Variants in PRKN observed in about 807,000 individuals in gnomAD.
PRKN encodes the protein parkin RBR E3 ubiquitin protein ligase, also known as E3 ubiquitin-protein ligase parkin.
PRKN carries 56 observed loss-of-function variants against 59.5 expected under a neutral mutation model. That is an observed-to-expected ratio of 0.94 (90% CI 0.76 to 1.18). The LOEUF (loss-of-function observed/expected upper bound fraction) is 1.18. Among genes scored for constraint, PRKN ranks in the 50% most tolerant of loss-of-function variants. The pLI is 0.00. For missense variants in PRKN, 657 were observed against 596.4 expected (o/e 1.10, Z -1.06); for synonymous variants, 250 against 222.1 (o/e 1.13, Z -1.12).
At chr6:162,202,612 A>T (rs774889113) in intron 3 of PRKN, among the ~76,000 whole-genome samples, 11 of 152,234 alleles carry the variant, frequency 7.2e-5, no homozygotes, top group Non-Finnish European at 1.3e-4. Context: ...AATGTACAAC[A>T]TATTCAAGTA....
At chr6:161,874,273 A>T (rs1230018352) in intron 6 of PRKN, among the ~76,000 whole-genome samples, 1 of 27,494 alleles carries the variant, frequency 3.6e-5, no homozygotes, top group Non-Finnish European at 6.4e-5. Context: ...AAAATATATA[A>T]TATATATTAT....
intron 5 of PRKN, among the ~76,000 whole-genome samples, chr6:162,004,985 T>C (rs1161750557): frequency 6.6e-6 from 1 of 152,226 alleles, no homozygotes; most frequent in African/African-American, 2.4e-5. Context: ...TAGGAAAATA[T>C]TAATTAATTG....
At chr6:162,646,164 A>C (rs1001789618) in intron 1 of PRKN, among the ~76,000 whole-genome samples, 1 of 151,750 alleles carries the variant, frequency 6.6e-6, no homozygotes, top group Non-Finnish European at 1.5e-5. Flanking sequence ...GAGCCACCAC[A>C]CCCGGCCTAA....
intron 6 of PRKN, among the ~76,000 whole-genome samples, chr6:161,845,271 G>T (rs61155347): frequency 0.022 from 3,298 of 152,272 alleles, 106 homozygotes; most frequent in East Asian, 0.13. Flanking sequence ...GGCTGGTGGC[G>T]TCTGTCCAGA....
intron 9 of PRKN, among the ~76,000 whole-genome samples, chr6:161,519,804 G>C (rs760097167): frequency 3.9e-5 from 6 of 152,138 alleles, no homozygotes; most frequent in Non-Finnish European, 7.3e-5. Context: ...AGAATCTAGA[G>C]GAAATAGAGT....
In PRKN at chr6:161,463,936, A is replaced by G. The variant is rs1790327865; in HGVS notation, c.1084-77059T>C. On this transcript the variant is annotated intron_variant, in intron 9 of 11. Transcript: ENST00000366898. This position sits in a 1 kb window ranked among gnomAD's most constrained non-coding sequence, Gnocchi z 4.8. Reference sequence around the variant, plus strand: ...GGATGGTAGACATCAACATACAGAGACCTTTAGGGTTTTTTTTGTTTTTGT... The same window carrying G: ...GGATGGTAGACATCAACATACAGAGGCCTTTAGGGTTTTTTTTGTTTTTGT... Among the ~76,000 whole-genome samples the G allele has an allele frequency of 2.0e-5, 3 of 152,048 alleles. No individual in the cohort carries two copies. In the South Asian group the frequency reaches 6.2e-4, roughly 32 times the overall value.
intron 1 of PRKN, among the ~76,000 whole-genome samples, chr6:162,600,279 C>A (rs528230221): frequency 6.6e-6 from 1 of 152,276 alleles, no homozygotes; most frequent in South Asian, 2.1e-4. Context: ...GTTTTGAGTT[C>A]AACCATATTA....
At chr6:162,091,553 A>AT (rs1388054800) in intron 4 of PRKN, among the ~76,000 whole-genome samples, 1 of 152,054 alleles carries the variant, frequency 6.6e-6, no homozygotes, top group African/African-American at 2.4e-5. Flanking sequence ...TTACTGAACT[A>AT]TTTTTTCATG....
intron 6 of PRKN, among the ~76,000 whole-genome samples, chr6:161,964,478 ATGGGGCC>A (rs1780501564): frequency 6.6e-6 from 1 of 152,008 alleles, no homozygotes; most frequent in East Asian, 1.9e-4. Flanking sequence ...ATTTACTCCT[ATGGGGCC>A]TGGGGCACAG....
chr6:162,553,052 T>TA (rs1314100462), intron 1 of PRKN, among the ~76,000 whole-genome samples: 6 of 151,948 alleles, frequency 3.9e-5, no homozygotes, highest in African/African-American at 1.2e-4. Flanking sequence ...GAGGAAAGAT[T>TA]AAATGGGAAG....
intron 2 of PRKN, among the ~76,000 whole-genome samples, chr6:162,395,836 A>G (rs1013377545): frequency 4.6e-5 from 7 of 152,206 alleles, no homozygotes; most frequent in Admixed American, 3.9e-4. Context: ...CTGAGCATAC[A>G]TATAGGACTA....
At position 162,395,727 on chromosome 6, in the gene PRKN, C is replaced by G. The variant is rs530613993; in HGVS notation, c.171+47583G>C. 2.1e-3 allele frequency among the ~76,000 whole-genome samples: 326 copies of G among 152,186 alleles called. 3 individuals carry two copies. The highest frequency in any genetic ancestry group is 7.4e-3 in the African/African-American group (308 of 41,512). On this transcript the variant is annotated intron_variant, in intron 2 of 11. Transcript: ENST00000366898. Reference sequence around the variant, plus strand: ...AAAAAGAAAGTTCTTACTCCAGATGCCCACTGTCACCTGGGGTTGTTGTGT... The same window carrying G: ...AAAAAGAAAGTTCTTACTCCAGATGGCCACTGTCACCTGGGGTTGTTGTGT...
chr6:161,496,976 C>T (rs1777773984), intron 9 of PRKN, among the ~76,000 whole-genome samples: 1 of 152,258 alleles, frequency 6.6e-6, no homozygotes, highest in African/African-American at 2.4e-5. Flanking sequence ...CGTGAGACAA[C>T]ACATTTCTGC....
At chr6:161,804,224 C>T (rs1261519194) in intron 6 of PRKN, among the ~76,000 whole-genome samples, 1 of 152,172 alleles carries the variant, frequency 6.6e-6, no homozygotes, top group Admixed American at 6.5e-5. Flanking sequence ...AATGCAGGCT[C>T]GACACCCAAG....
At chr6:161,559,221 C>T (rs990159930) in intron 8 of PRKN, among the ~76,000 whole-genome samples, 2 of 151,948 alleles carry the variant, frequency 1.3e-5, no homozygotes, top group Non-Finnish European at 2.9e-5. Flanking sequence ...AGATCCAAAT[C>T]AACTGGCTTC....
intron 2 of PRKN, among the ~76,000 whole-genome samples, chr6:162,339,131 C>A (rs374795513): frequency 4.7e-5 from 7 of 148,790 alleles, no homozygotes; most frequent in East Asian, 4.2e-4. Flanking sequence ...AGCCCCTCCG[C>A]CCGGCAGCCG....
chr6:162,021,457 ATATATTTTTT>A (rs200836598), intron 5 of PRKN, among the ~76,000 whole-genome samples: 15,026 of 83,650 alleles, frequency 0.18, 941 homozygotes, highest in Middle Eastern at 0.32. Flanking sequence ...ATATATATAT[ATATATTTTTT>A]TTTTTTTTTT....
In PRKN at chr6:161,850,574, C is replaced by CAAAAAAA. The variant is rs10651778; in HGVS notation, c.735-64673_735-64667dup. On this transcript the variant is annotated intron_variant, in intron 6 of 11. Transcript: ENST00000366898. ...CTGGTGACAGAGCGAGACTACGTCT[C>CAAAAAAA]AAAAAAAAAAAAAAAAAAAACTCTA... Among the ~76,000 whole-genome samples the CAAAAAAA allele has an allele frequency of 6.5e-3, 572 of 88,218 alleles. 25 individuals carry two copies. Among genetic ancestry groups the CAAAAAAA allele is most frequent in the African/African-American group, 0.025 (544 of 21,626 alleles). 57.9% of individuals were successfully genotyped at this position (88,218 alleles called of 152,430 possible).
intron 7 of PRKN, 93 bp from the exon 8 acceptor site, chr6:161,569,509 T>C: frequency 1.8e-6 from 2 of 1,109,128 alleles, no homozygotes; most frequent in Non-Finnish European, 2.7e-6. Context: ...ACTGCCAGTG[T>C]TGCCTTTTGG....
Sources: gnomAD v4.1 joint callset for allele counts (sites outside exome capture counted in the v4.1 genomes callset) on GRCh38, gnomAD v4.1.1 for gene constraint, Gnocchi (gnomAD v3.1) non-coding constraint, MANE v1.5 for transcripts, NCBI Gene and HGNC (gene_info 2026-07-23, HGNC 2026-07-21) for gene names.